Variants in PDE4D observed in about 807,000 individuals in gnomAD.
The protein encoded by PDE4D is 3',5'-cyclic-AMP phosphodiesterase 4D.
PDE4D carries 24 observed loss-of-function variants against 87.4 expected under a neutral mutation model. That is an observed-to-expected ratio of 0.27 (90% CI 0.20 to 0.39). PDE4D has a LOEUF of 0.39. Ranked by LOEUF, PDE4D falls within the 10% of genes least tolerant of loss-of-function variation. The pLI, the probability that PDE4D is intolerant of heterozygous loss-of-function variation, is 1.00. For missense variants in PDE4D, 714 were observed against 1,041.0 expected, an observed-to-expected ratio of 0.69 and a Z score of 4.32; for synonymous variants, 384 against 383.2, an observed-to-expected ratio of 1.00 and a Z score of -0.02.
In PDE4D at chr5:60,126,153, G is replaced by A. The variant is rs541161810; in HGVS notation, c.42+59404C>T. Among the ~76,000 whole-genome samples the A allele has an allele frequency of 1.7e-4, 26 of 150,380 alleles. No homozygotes were observed. The South Asian group carries it at 4.6e-3, about 27-fold the overall frequency. On this transcript the variant is annotated intron_variant, in intron 2 of 16. Coordinates refer to the PDE4D transcript ENST00000502484. ...GTAATACATATTCAACATTTGACTC[G>A]AATAGTGAATTGCATCTATCAGATC...
chr5:59,799,880 C>T (rs1766915876), intron 1 of PDE4D, among the ~76,000 whole-genome samples: 1 of 152,204 alleles, frequency 6.6e-6, no homozygotes. Flanking sequence ...CACAAGCTGG[C>T]AGCACAGGTC....
chr5:60,201,344 C>T (rs1232044398), intron 1 of PDE4D, among the ~76,000 whole-genome samples: 3 of 151,420 alleles, frequency 2.0e-5, no homozygotes, highest in South Asian at 4.2e-4. Context: ...AAAAACTAGG[C>T]ATGAAGAAGC....
intron 1 of PDE4D, among the ~76,000 whole-genome samples, chr5:59,282,643 C>CAAAAAAAAAAA (rs60262509): frequency 2.6e-5 from 1 of 38,860 alleles, no homozygotes; most frequent in African/African-American, 1.1e-4. Flanking sequence ...AACTCCAGCT[C>CAAAAAAAAAAA]AAAAAAAAAA....
At chr5:60,396,795 C>T (rs566269421) in intron 1 of PDE4D, among the ~76,000 whole-genome samples, 1 of 152,316 alleles carries the variant, frequency 6.6e-6, no homozygotes, top group Admixed American at 6.5e-5. Context: ...TCTGTGTTTC[C>T]TTAGTCTTAG....
chr5:59,733,737 TC>T (rs144476567), intron 1 of PDE4D, among the ~76,000 whole-genome samples: 11,921 of 152,148 alleles, frequency 0.078, 707 homozygotes, highest in African/African-American at 0.17. Context: ...TACCATCTTT[TC>T]CTTCCTCTTT....
chr5:59,912,144 A>G (rs1561851912), intron 3 of PDE4D, among the ~76,000 whole-genome samples: 1 of 152,184 alleles, frequency 6.6e-6, no homozygotes, highest in Admixed American at 6.5e-5. Flanking sequence ...AGGATATAAT[A>G]ACACGTGAAT....
chr5:59,664,256 A>C (rs1261828561), intron 1 of PDE4D, among the ~76,000 whole-genome samples: 1 of 152,174 alleles, frequency 6.6e-6, no homozygotes, highest in Non-Finnish European at 1.5e-5. Context: ...TTGTGGTAAG[A>C]GTGATGTAAA....
chr5:59,810,895 T>C (rs978682923), intron 1 of PDE4D, among the ~76,000 whole-genome samples: 1 of 152,334 alleles, frequency 6.6e-6, no homozygotes, highest in African/African-American at 2.4e-5. Flanking sequence ...CTTGAACAAA[T>C]GCTCTAAGAT....
At position 59,348,828 on chromosome 5, in the gene PDE4D, A is replaced by G. The variant is rs539528489; in HGVS notation, c.456-132860T>C. On this transcript the variant is annotated intron_variant, in intron 1 of 14. Coordinates refer to ENST00000340635, the MANE Select transcript of PDE4D (RefSeq NM_001104631.2). ...TAATTTGAGCCATGTGCCATGGCTC[A>G]TGCCTGTAATCCCAGCACTTTAGGA... Among the ~76,000 whole-genome samples the G allele has an allele frequency of 1.6e-4, 25 of 152,230 alleles. No homozygotes were observed. In the East Asian group the frequency reaches 4.8e-3, roughly 29 times the overall value.
At chr5:59,606,010 C>T (rs1287077736) in intron 1 of PDE4D, among the ~76,000 whole-genome samples, 2 of 151,872 alleles carry the variant, frequency 1.3e-5, no homozygotes, top group African/African-American at 4.8e-5. Flanking sequence ...GAGAACTATA[C>T]TAAATAAGAA....
chr5:60,462,064 A>G (rs1746988750), intron 1 of PDE4D, among the ~76,000 whole-genome samples: 1 of 152,150 alleles, frequency 6.6e-6, no homozygotes, highest in South Asian at 2.1e-4. Flanking sequence ...CAGGGGGCTG[A>G]TGCTTCAGAA....
chr5:59,972,475 G>A (rs1423209431), intron 3 of PDE4D, among the ~76,000 whole-genome samples: 2 of 152,200 alleles, frequency 1.3e-5, no homozygotes, highest in East Asian at 1.9e-4. Context: ...AGCCAAATGA[G>A]TTGATCAAAC....
intron 1 of PDE4D, among the ~76,000 whole-genome samples, chr5:59,377,268 T>C (rs550814465): frequency 1.2e-3 from 177 of 151,830 alleles, no homozygotes; most frequent in African/African-American, 4.2e-3. Flanking sequence ...ATACAAAAAA[T>C]CAGCTGGGCG....
chr5:59,349,587 T>C (rs1403440506), intron 1 of PDE4D, among the ~76,000 whole-genome samples: 1 of 152,138 alleles, frequency 6.6e-6, no homozygotes, highest in Non-Finnish European at 1.5e-5. Flanking sequence ...AAATAAATAG[T>C]ATAAATTTTA....
chr5:59,432,352 TG>T (rs1414497991), intron 1 of PDE4D, among the ~76,000 whole-genome samples: 4 of 152,094 alleles, frequency 2.6e-5, no homozygotes, highest in African/African-American at 9.7e-5. Context: ...TAAGATTCCA[TG>T]GCATAAATGT....
At chr5:59,714,115 G>A (rs1426412950) in intron 1 of PDE4D, among the ~76,000 whole-genome samples, 2 of 152,164 alleles carry the variant, frequency 1.3e-5, no homozygotes, top group Non-Finnish European at 2.9e-5. Context: ...TGCCCCACCT[G>A]CAGAGCCTCC....
intron 1 of PDE4D, among the ~76,000 whole-genome samples, chr5:59,730,732 G>C (rs1216846974): frequency 6.6e-6 from 1 of 152,064 alleles, no homozygotes; most frequent in African/African-American, 2.4e-5. Context: ...GAACAGAGAG[G>C]TTGCAGATCA....
chr5:58,988,656 CAAAT>C, intron 10 of PDE4D, 64 bp from the exon 11 acceptor site: 5 of 674,388 alleles, frequency 7.4e-6, no homozygotes, highest in East Asian at 3.1e-5. Flanking sequence ...AAAGTATAAA[CAAAT>C]AAGAAATCTC....
chr5:59,060,927 A>G (rs886647028), intron 5 of PDE4D, among the ~76,000 whole-genome samples: 2 of 152,224 alleles, frequency 1.3e-5, no homozygotes, highest in South Asian at 2.1e-4. Flanking sequence ...GAACCAAAAA[A>G]TGGTCTCCCT....
Sources: allele counts gnomAD v4.1 joint callset (sites outside exome capture counted in the v4.1 genomes callset), GRCh38; gene constraint gnomAD v4.1.1; transcripts MANE v1.5; gene names NCBI Gene and HGNC (gene_info 2026-07-23, HGNC 2026-07-21).